Variants in RBMS3 observed in about 807,000 individuals in gnomAD.
RBMS3 encodes the protein RNA binding motif single stranded interacting protein 3.
RBMS3 carries 27 observed loss-of-function variants against 66.8 expected under a neutral mutation model. The observed-to-expected ratio is 0.40, with a 90% confidence interval of 0.30 to 0.56. RBMS3 has a LOEUF of 0.56. Among genes scored for constraint, RBMS3 ranks in the 20% least tolerant of loss-of-function variants. RBMS3 has a pLI of 0.40. For synonymous variants in RBMS3, 188 were observed against 183.0 expected (o/e 1.03, Z -0.22); for missense variants, 513 against 549.5 (o/e 0.93, Z 0.66).
rs559456986 is a variant in RBMS3, at chr3:29,540,877, G to T, written c.308-46237G>T. Among the ~76,000 whole-genome samples, 31 of 152,256 alleles carry T rather than the reference G, an allele frequency of 2.0e-4. No individual in the cohort carries two copies. The East Asian group carries it at 5.6e-3, about 28-fold the overall frequency. ...GTGGTGATGCAGCTTTGGGCTCATC[G>T]CAATTTAACATAGGGATGGATTTCT... On this transcript the variant is annotated intron_variant, in intron 3 of 14. Coordinates refer to ENST00000383767, the MANE Select transcript of RBMS3 (RefSeq NM_001003793.3).
chr3:29,707,785 GAA>G (rs1165123740), intron 4 of RBMS3, among the ~76,000 whole-genome samples: 4 of 152,232 alleles, frequency 2.6e-5, no homozygotes, highest in African/African-American at 9.6e-5. Flanking sequence ...GGTAGGAATG[GAA>G]AGACTATCAA....
At chr3:29,991,432 T>C in intron 14 of RBMS3, 1 of 593,954 alleles carries the variant, frequency 1.7e-6, no homozygotes, top group South Asian at 2.2e-5. Flanking sequence ...AGCTGCTGAT[T>C]ATCTATGCAT....
chr3:29,464,361 A>G (rs2042469461), intron 2 of RBMS3, among the ~76,000 whole-genome samples: 1 of 152,134 alleles, frequency 6.6e-6, no homozygotes, highest in Non-Finnish European at 1.5e-5. Flanking sequence ...AAGATTGTCA[A>G]AAGAGCCATT....
At chr3:29,630,224 T>C (rs1418014019) in intron 4 of RBMS3, among the ~76,000 whole-genome samples, 1 of 152,018 alleles carries the variant, frequency 6.6e-6, no homozygotes, top group Non-Finnish European at 1.5e-5. Context: ...AGGACTTTCA[T>C]TGAATGCCAA....
Position 29,502,523 on chromosome 3 carries a change from C to T in RBMS3, c.307+14024C>T, listed in dbSNP as rs566195810. ...AAACATGTAGTAGTTCTTATTCTCCCACTTCCATCCCACTATAAACAGTAT... is the reference window on the plus strand; with the variant it reads ...AAACATGTAGTAGTTCTTATTCTCCTACTTCCATCCCACTATAAACAGTAT... On this transcript the variant is annotated intron_variant, in intron 3 of 14. Transcript: ENST00000383767. Among the ~76,000 whole-genome samples the T allele has an allele frequency of 2.0e-5, 3 of 152,228 alleles. No homozygotes were observed. The South Asian group carries it at 6.2e-4, about 32-fold the overall frequency.
intron 4 of RBMS3, among the ~76,000 whole-genome samples, chr3:29,681,023 C>T (rs1559563485): frequency 6.6e-6 from 1 of 152,136 alleles, no homozygotes; most frequent in Non-Finnish European, 1.5e-5. Flanking sequence ...TACTGCTAGA[C>T]CTCTGATACT....
At chr3:29,562,361 T>C (rs994415204) in intron 3 of RBMS3, among the ~76,000 whole-genome samples, 1 of 152,152 alleles carries the variant, frequency 6.6e-6, no homozygotes, top group Non-Finnish European at 1.5e-5. Context: ...CTGATTCTTA[T>C]CTGAAATTTC....
intron 6 of RBMS3, among the ~76,000 whole-genome samples, chr3:29,775,194 G>A (rs73045926): frequency 0.15 from 22,755 of 151,278 alleles, 2,275 homozygotes; most frequent in Non-Finnish European, 0.22. Flanking sequence ...TAGTTTTAAT[G>A]GAGCAATTAA....
chr3:29,665,714 C>G (rs2050724994), intron 4 of RBMS3, among the ~76,000 whole-genome samples: 1 of 152,042 alleles, frequency 6.6e-6, no homozygotes, highest in Admixed American at 6.6e-5. Flanking sequence ...CCAGTTAAAA[C>G]TAGCTTGATC....
At chr3:29,440,727 G>A (rs1312363594) in intron 2 of RBMS3, among the ~76,000 whole-genome samples, 2 of 152,184 alleles carry the variant, frequency 1.3e-5, no homozygotes, top group African/African-American at 4.8e-5. Context: ...ACACAACCCT[G>A]TTGGATGTCT....
chr3:29,433,116 T>G (rs1559357068), intron 1 of RBMS3, among the ~76,000 whole-genome samples: 1 of 78,618 alleles, frequency 1.3e-5, no homozygotes, highest in Non-Finnish European at 3.2e-5. Context: ...TTCTTGAGGT[T>G]TTTTTTTTTA....
At chr3:29,612,629 T>C (rs1036621876) in intron 4 of RBMS3, among the ~76,000 whole-genome samples, 4 of 152,174 alleles carry the variant, frequency 2.6e-5, no homozygotes, top group Non-Finnish European at 4.4e-5. Context: ...AAAGTAGCCA[T>C]GTAAGGGAGA....
chr3:29,726,210 A>G (rs767817643), intron 4 of RBMS3, among the ~76,000 whole-genome samples: 1 of 152,186 alleles, frequency 6.6e-6, no homozygotes, highest in Non-Finnish European at 1.5e-5. Flanking sequence ...ACCATATCTC[A>G]AAATAATAAG....
chr3:29,805,387 T>G (rs1346256370), intron 6 of RBMS3, among the ~76,000 whole-genome samples: 1 of 152,128 alleles, frequency 6.6e-6, no homozygotes, highest in African/African-American at 2.4e-5. Context: ...TATGGTTATT[T>G]GAGAGTGTAC....
chr3:29,378,352 G>A (rs995542703), intron 1 of RBMS3, among the ~76,000 whole-genome samples: 25 of 152,008 alleles, frequency 1.6e-4, no homozygotes, highest in African/African-American at 6.0e-4. Flanking sequence ...GGCACCTGTA[G>A]TCCCAGCTAC....
chr3:29,407,351 G>A (rs1187730276), intron 1 of RBMS3, among the ~76,000 whole-genome samples: 1 of 152,084 alleles, frequency 6.6e-6, no homozygotes, highest in African/African-American at 2.4e-5. Context: ...AGCGACTGAG[G>A]TGTATGTACA....
chr3:29,840,244 T>C (rs2058628802), intron 6 of RBMS3, among the ~76,000 whole-genome samples: 1 of 152,062 alleles, frequency 6.6e-6, no homozygotes, highest in South Asian at 2.1e-4. Flanking sequence ...ATGTTGGTTA[T>C]ACACATCAAC....
At chr3:29,924,016 G>C (rs2060864392) in intron 10 of RBMS3, among the ~76,000 whole-genome samples, 1 of 152,102 alleles carries the variant, frequency 6.6e-6, no homozygotes, top group African/African-American at 2.4e-5. Context: ...TCATATAGTT[G>C]CTATAGAAAA....
intron 3 of RBMS3, among the ~76,000 whole-genome samples, chr3:29,542,969 G>A (rs1443438098): frequency 6.6e-6 from 1 of 152,172 alleles, no homozygotes; most frequent in East Asian, 1.9e-4. Flanking sequence ...AATGATTTAA[G>A]TTTAAGAGAA....
Sources: allele counts gnomAD v4.1 joint callset (sites outside exome capture counted in the v4.1 genomes callset), GRCh38; gene constraint gnomAD v4.1.1; transcripts MANE v1.5; gene names NCBI Gene and HGNC (gene_info 2026-07-23, HGNC 2026-07-21).